The following KIAA1217 variants were observed in gnomAD, a reference collection of about 807,000 sequenced individuals.
The protein encoded by KIAA1217 is KIAA1217.
KIAA1217 carries 88 observed loss-of-function variants against 163.9 expected under a neutral mutation model. The ratio of observed to expected loss-of-function variants is 0.54; its 90% CI spans 0.45 to 0.64. The LOEUF (loss-of-function observed/expected upper bound fraction) is 0.64. Among genes scored for constraint, KIAA1217 ranks in the 30% least tolerant of loss-of-function variants. The pLI is 0.00. For synonymous variants in KIAA1217, 903 were observed against 923.1 expected, an observed-to-expected ratio of 0.98 and a Z score of 0.39; for missense variants, 2,372 against 2,475.0, an observed-to-expected ratio of 0.96 and a Z score of 0.88.
At chr10:24,497,076 G>A (rs2066884614) in intron 8 of KIAA1217, among the ~76,000 whole-genome samples, 1 of 152,196 alleles carries the variant, frequency 6.6e-6, no homozygotes, top group African/African-American at 2.4e-5. Context: ...CAGGGGCTTC[G>A]TTGCCATAGC....
intron 2 of KIAA1217, among the ~76,000 whole-genome samples, chr10:24,330,396 C>T (rs535847885): frequency 2.6e-5 from 4 of 151,328 alleles, no homozygotes; most frequent in Admixed American, 6.6e-5. Flanking sequence ...TTTAAGAGGA[C>T]GTAAAAGGAG....
intron 3 of KIAA1217, among the ~76,000 whole-genome samples, chr10:24,389,321 T>A (rs1564595055): frequency 6.6e-6 from 1 of 151,810 alleles, no homozygotes; most frequent in African/African-American, 2.4e-5. Flanking sequence ...AAACACCACA[T>A]GTTCTCACTC....
chr10:24,047,766 G>A (rs1281100839), intron 2 of KIAA1217, among the ~76,000 whole-genome samples: 2 of 152,112 alleles, frequency 1.3e-5, no homozygotes, highest in Admixed American at 1.3e-4. Flanking sequence ...ATTAATACTT[G>A]GAGAACAAAA....
Position 23,790,263 on chromosome 10 carries a change from G to GCATATATA in KIAA1217, c.-321+95034_-321+95035insATACATAT, listed in dbSNP as rs1314139359. 3.9e-5 allele frequency among the ~76,000 whole-genome samples: 4 copies of GCATATATA among 102,010 alleles called. 2 individuals carry two copies. The highest frequency in any genetic ancestry group is 1.9e-4 in the Admixed American group (2 of 10,310). The allele number at this position is 102,010 out of a possible 152,430, so 66.9% of individuals were successfully genotyped here. On this transcript the variant is annotated intron_variant, in intron 1 of 18. Coordinates refer to the KIAA1217 transcript ENST00000376462. ...TATGCACATATGCATATGCACATATGCATATGCACATATGCATATGCACAT... is the reference window on the plus strand; with the variant it reads ...TATGCACATATGCATATGCACATATGCATATATACATATGCACATATGCATATGCACAT...
rs560778016 is a variant in KIAA1217, at chr10:24,178,539, C to T, written c.-170-41087C>T. On this transcript the variant is annotated intron_variant, in intron 2 of 18. Coordinates refer to the KIAA1217 transcript ENST00000376462. ...GTTCTCCACCACCTTTGATAACAGC[C>T]AGCTACCATATATTAGATTGTACCA... 2.6e-5 allele frequency among the ~76,000 whole-genome samples: 4 copies of T among 152,344 alleles called. No individual in the cohort carries two copies. In the South Asian group the frequency reaches 6.2e-4, roughly 24 times the overall value.
intron 1 of KIAA1217, among the ~76,000 whole-genome samples, chr10:23,790,462 T>C (rs1193396292): frequency 8.7e-6 from 1 of 115,132 alleles, no homozygotes; most frequent in South Asian, 2.4e-4. Context: ...CATGTGCATA[T>C]ATACATATAT....
chr10:24,437,141 T>A (rs950004787), intron 4 of KIAA1217, among the ~76,000 whole-genome samples: 1 of 152,234 alleles, frequency 6.6e-6, no homozygotes, highest in Non-Finnish European at 1.5e-5. Context: ...TGAGGTTTTC[T>A]AGTTTTTCAC....
intron 2 of KIAA1217, among the ~76,000 whole-genome samples, chr10:24,247,124 C>CT (rs10648557): frequency 0.62 from 86,075 of 138,180 alleles, 26,936 homozygotes; most frequent in African/African-American, 0.66. Flanking sequence ...ATTTTCTTTT[C>CT]TTTTTTTTTT....
At chr10:24,239,655 TTTC>T (rs1050635778) in intron 2 of KIAA1217, among the ~76,000 whole-genome samples, 6 of 151,560 alleles carry the variant, frequency 4.0e-5, no homozygotes, top group African/African-American at 1.5e-4. Flanking sequence ...GCTCCATGTA[TTTC>T]TTATTTATTC....
intron 1 of KIAA1217, among the ~76,000 whole-genome samples, chr10:23,775,057 C>G (rs926578147): frequency 6.6e-6 from 1 of 152,024 alleles, no homozygotes; most frequent in Non-Finnish European, 1.5e-5. Flanking sequence ...GGGGAGTTAA[C>G]AGACATGTTT....
chr10:24,403,343 A>G (rs1219458080), intron 3 of KIAA1217, among the ~76,000 whole-genome samples: 2 of 152,148 alleles, frequency 1.3e-5, no homozygotes, highest in African/African-American at 4.8e-5. Context: ...GGTTCGAGCA[A>G]TTCTTCTGCC....
chr10:24,001,788 T>A (rs1281701340), intron 1 of KIAA1217, among the ~76,000 whole-genome samples: 2 of 152,050 alleles, frequency 1.3e-5, no homozygotes, highest in Non-Finnish European at 2.9e-5. Context: ...GAGCATCTCA[T>A]CTGGAGGGCA....
intron 2 of KIAA1217, among the ~76,000 whole-genome samples, chr10:24,095,352 G>A (rs763911404): frequency 6.6e-5 from 10 of 152,272 alleles, no homozygotes; most frequent in Non-Finnish European, 1.2e-4. Context: ...GCCGTAGACC[G>A]GAGCTGTTCC....
chr10:24,179,049 G>A lies in KIAA1217; in HGVS notation c.-170-40577G>A, dbSNP rs201729396. 5.1e-4 allele frequency among the ~76,000 whole-genome samples: 77 copies of A among 152,244 alleles called. 1 individual carries two copies. Among genetic ancestry groups the A allele is most frequent in the African/African-American group, 1.8e-3 (73 of 41,532 alleles). The stretch of plus-strand genomic sequence containing the variant: ...GCTGGGGTCTGTGAATTAAACTGAC[G>A]AAGGATAATTAACAGGAGAAAGTGT... On this transcript the variant is annotated intron_variant, in intron 2 of 18. Transcript: ENST00000376462.
intron 1 of KIAA1217, among the ~76,000 whole-genome samples, chr10:23,824,959 A>G (rs1029041067): frequency 3.5e-4 from 53 of 152,104 alleles, no homozygotes; most frequent in African/African-American, 1.1e-3. Flanking sequence ...GCTCCATTTG[A>G]AAGGTACATT....
rs76737343 is a variant in KIAA1217, at chr10:23,821,185, A to G, written c.-321+125951A>G. 1.2e-3 allele frequency among the ~76,000 whole-genome samples: 182 copies of G among 151,952 alleles called. 13 individuals carry two copies. The East Asian group carries it at 0.028, about 24-fold the overall frequency. On this transcript the variant is annotated intron_variant, in intron 1 of 18. Transcript: ENST00000376462. ...ATAGGCAGTGTATTTATTGCAAGCA[A>G]TGTGTTTACCTGCATGTATCATCAC...
chr10:24,118,948 T>TC (rs2131771068), intron 2 of KIAA1217, among the ~76,000 whole-genome samples: 1 of 152,252 alleles, frequency 6.6e-6, no homozygotes, highest in Non-Finnish European at 1.5e-5. Context: ...TGTTTTTTTT[T>TC]CTCTTTTCTT....
chr10:24,027,262 G>C (rs537182622), intron 2 of KIAA1217, among the ~76,000 whole-genome samples: 28 of 152,048 alleles, frequency 1.8e-4, no homozygotes, highest in African/African-American at 6.5e-4. Flanking sequence ...CTATGACCTG[G>C]AAACTCTTCA....
chr10:24,490,561 A>G (rs942528680), intron 6 of KIAA1217, among the ~76,000 whole-genome samples: 12 of 152,258 alleles, frequency 7.9e-5, no homozygotes, highest in African/African-American at 2.4e-4. Context: ...TTAATGTATA[A>G]ATCAGATAAT....
Sources: gnomAD v4.1 joint callset for allele counts (sites outside exome capture counted in the v4.1 genomes callset) on GRCh38, gnomAD v4.1.1 for gene constraint, MANE v1.5 for transcripts, NCBI Gene and HGNC (gene_info 2026-07-23, HGNC 2026-07-21) for gene names.